Variants in IL1RAP observed in about 807,000 individuals in gnomAD.
IL1RAP encodes the protein interleukin 1 receptor accessory protein.
Under a neutral mutation model 60.7 loss-of-function variants are expected in IL1RAP, and 35 were observed. The observed-to-expected ratio is 0.58, with a 90% CI of 0.44 to 0.76. The LOEUF is 0.76. Ranked by LOEUF, IL1RAP falls within the 30% of genes least tolerant of loss-of-function variation. The pLI is 0.00. For missense variants in IL1RAP, 572 were observed against 693.9 expected, an observed-to-expected ratio of 0.82 and a Z score of 1.97; for synonymous variants, 268 against 250.9, an observed-to-expected ratio of 1.07 and a Z score of -0.64.
intron 3 of IL1RAP, among the ~76,000 whole-genome samples, chr3:190,603,868 C>A (rs1025447492): frequency 5.3e-5 from 8 of 152,148 alleles, no homozygotes; most frequent in Non-Finnish European, 7.3e-5. Context: ...TTCTCCCATA[C>A]CTTGCAGGGC....
chr3:190,540,857 C>G (rs576071525), intron 1 of IL1RAP, among the ~76,000 whole-genome samples: 76 of 152,194 alleles, frequency 5.0e-4, no homozygotes, highest in South Asian at 2.1e-3. Flanking sequence ...AGAAAGAACT[C>G]TCACTCTTTT....
At chr3:190,564,119 C>G in intron 2 of IL1RAP, 170 bp from the exon 3 acceptor site, 1 of 561,686 alleles carries the variant, frequency 1.8e-6, no homozygotes, top group Non-Finnish European at 3.2e-6. Flanking sequence ...AAAACAGAAA[C>G]AAAATAAAAC....
chr3:190,527,076 C>T (rs1249779623), intron 1 of IL1RAP, among the ~76,000 whole-genome samples: 2 of 152,216 alleles, frequency 1.3e-5, no homozygotes, highest in Non-Finnish European at 2.9e-5. Flanking sequence ...TAGCCTGGAT[C>T]TACCTTGCTG....
At chr3:190,617,363 C>T (rs528342107) in intron 5 of IL1RAP, among the ~76,000 whole-genome samples, 5 of 152,262 alleles carry the variant, frequency 3.3e-5, no homozygotes, top group East Asian at 3.9e-4. Flanking sequence ...CCACATGATT[C>T]GTTTCAGTTG....
chr3:190,591,018 T>C (rs1196305395), intron 3 of IL1RAP, among the ~76,000 whole-genome samples: 2 of 152,180 alleles, frequency 1.3e-5, no homozygotes, highest in African/African-American at 4.8e-5. Context: ...ATGAGAAGAA[T>C]TTTTTAAAAT....
chr3:190,545,253 G>A (rs1724268781), intron 1 of IL1RAP, among the ~76,000 whole-genome samples: 1 of 152,182 alleles, frequency 6.6e-6, no homozygotes, highest in African/African-American at 2.4e-5. Context: ...TTATTGCAGA[G>A]GGAGATTAAT....
At chr3:190,516,631 ACT>A (rs1721546133) in intron 1 of IL1RAP, among the ~76,000 whole-genome samples, 1 of 152,208 alleles carries the variant, frequency 6.6e-6, no homozygotes, top group Non-Finnish European at 1.5e-5. Context: ...GGTCAGACCT[ACT>A]TGATTTCAAA....
At chr3:190,619,761 A>G (rs1337641120) in intron 5 of IL1RAP, among the ~76,000 whole-genome samples, 1 of 152,064 alleles carries the variant, frequency 6.6e-6, no homozygotes, top group African/African-American at 2.4e-5. Context: ...GAAAAATGCA[A>G]AACAGTTTGG....
At chr3:190,573,065 GTTTTAGCCGGGA>G (rs1727122754) in intron 3 of IL1RAP, among the ~76,000 whole-genome samples, 1 of 60,364 alleles carries the variant, frequency 1.7e-5, no homozygotes, top group Admixed American at 1.6e-4. Context: ...GGGTTTCACC[GTTTTAGCCGGGA>G]TGGTCTCGAT....
intron 5 of IL1RAP, chr3:190,615,496 T>C (rs1731188646): frequency 3.2e-6 from 1 of 311,222 alleles, no homozygotes; most frequent in Admixed American, 4.0e-5. Flanking sequence ...TAGAGATGCT[T>C]ATAAAAGCAT....
At chr3:190,524,355 TA>T (rs1432082134) in intron 1 of IL1RAP, among the ~76,000 whole-genome samples, 1 of 152,172 alleles carries the variant, frequency 6.6e-6, no homozygotes, top group African/African-American at 2.4e-5. Flanking sequence ...GCTCTTTAAT[TA>T]GATCCTATTT....
At chr3:190,629,728 A>G in intron 9 of IL1RAP, 1 of 1,241,118 alleles carries the variant, frequency 8.1e-7, no homozygotes, top group Non-Finnish European at 1.0e-6. Context: ...TGTAGCTAAA[A>G]AAATCGACGT....
At chr3:190,553,372 A>T (rs1725040172) in intron 1 of IL1RAP, among the ~76,000 whole-genome samples, 2 of 152,224 alleles carry the variant, frequency 1.3e-5, no homozygotes, top group African/African-American at 4.8e-5. Context: ...ACACAAACAA[A>T]AAATAAATAA....
At chr3:190,554,677 C>T (rs1360349231) in intron 1 of IL1RAP, 1 of 151,780 alleles carries the variant, frequency 6.6e-6, no homozygotes, top group African/African-American at 2.4e-5. Context: ...ATTTTCATCT[C>T]GGATTTTGGA....
At chr3:190,586,102 G>A (rs1200244114) in intron 3 of IL1RAP, among the ~76,000 whole-genome samples, 1 of 152,148 alleles carries the variant, frequency 6.6e-6, no homozygotes, top group Non-Finnish European at 1.5e-5. Flanking sequence ...CATCTCTTCT[G>A]TGAAGGCACC....
chr3:190,585,042 G>A (rs1728330643), intron 3 of IL1RAP, among the ~76,000 whole-genome samples: 1 of 152,170 alleles, frequency 6.6e-6, no homozygotes, highest in Non-Finnish European at 1.5e-5. Flanking sequence ...TATAGATGGT[G>A]TGCTATACTG....
intron 1 of IL1RAP, among the ~76,000 whole-genome samples, chr3:190,536,770 AAAAC>A (rs1329623822): frequency 1.4e-4 from 21 of 152,356 alleles, no homozygotes; most frequent in Admixed American, 6.5e-4. Flanking sequence ...TATAATTTAA[AAAAC>A]AAACAGACAA....
At chr3:190,611,209 C>A (rs190440870) in intron 5 of IL1RAP, among the ~76,000 whole-genome samples, 20 of 152,204 alleles carry the variant, frequency 1.3e-4, no homozygotes, top group African/African-American at 4.8e-4. Flanking sequence ...CTGCTAACAT[C>A]ACAAGAGGAA....
At chr3:190,553,910 A>C (rs1271374766) in intron 1 of IL1RAP, among the ~76,000 whole-genome samples, 1 of 151,388 alleles carries the variant, frequency 6.6e-6, no homozygotes, top group African/African-American at 2.4e-5. Context: ...AAATACAAAA[A>C]ATTAGCCGGG....
Sources: gnomAD v4.1 joint callset for allele counts (sites outside exome capture counted in the v4.1 genomes callset) on GRCh38, gnomAD v4.1.1 for gene constraint, MANE v1.5 for transcripts, NCBI Gene and HGNC (gene_info 2026-07-23, HGNC 2026-07-21) for gene names.